Variants in PCBP3 observed in about 807,000 individuals in gnomAD.
PCBP3 encodes poly(rC)-binding protein 3.
PCBP3 carries 25 observed loss-of-function variants against 52.7 expected under a neutral mutation model. The ratio of observed to expected loss-of-function variants is 0.47; its 90% CI spans 0.35 to 0.66. The LOEUF (loss-of-function observed/expected upper bound fraction) is 0.66, where lower values mean the gene tolerates loss of function less well. Among genes scored for constraint, PCBP3 ranks in the 30% least tolerant of loss-of-function variants. PCBP3 has a pLI of 0.01. For missense variants in PCBP3, 391 were observed against 490.3 expected (o/e 0.80, Z 1.91); for synonymous variants, 162 against 183.0 (o/e 0.89, Z 0.93).
intron 14 of PCBP3, 101 bp downstream of exon 14, chr21:45,930,096 G>C (rs3827268): frequency 3.0e-6 from 2 of 655,740 alleles, no homozygotes; most frequent in South Asian, 3.7e-5. Flanking sequence ...AGGTGCAGTT[G>C]GATTTGTGAG....
intron 4 of PCBP3, chr21:45,760,338 G>C (rs908872502): frequency 1.3e-5 from 2 of 152,116 alleles, no homozygotes; most frequent in Non-Finnish European, 2.9e-5. Context: ...ACTATGCCTG[G>C]CTACTAAAAG....
rs1053963362 is a variant in PCBP3 at position 45,917,924 on chromosome 21, C to T, written c.717+295C>T. 12 of 431,448 alleles carry T rather than the reference C, an allele frequency of 2.8e-5. No individual in the cohort carries two copies. The highest frequency in any genetic ancestry group is 8.1e-5 in the African/African-American group (4 of 49,562). The allele number at this position is 431,448 out of a possible 1,614,324, so 26.7% of individuals were successfully genotyped here. ...AGGGAACTGAGACGGGCTCTGTCCC[C>T]GTGCAGGGCAGTGAGGATGTGCTCA... On this transcript the variant is annotated intron_variant, in intron 13 of 17. Transcript: ENST00000681687. The surrounding 1 kb of genome is among the most constrained non-coding windows in gnomAD (Gnocchi z 5.3).
At chr21:45,930,324 T>C (rs999707322) in intron 14 of PCBP3, among the ~76,000 whole-genome samples, 2 of 152,158 alleles carry the variant, frequency 1.3e-5, no homozygotes, top group African/African-American at 4.8e-5. Flanking sequence ...GGGTGGCCCT[T>C]CCTGCTGAGC....
Position 45,740,315 on chromosome 21 carries a change from G to T in PCBP3, c.-162+4886G>T, listed in dbSNP as rs114938536. 3.3e-3 allele frequency among the ~76,000 whole-genome samples: 505 copies of T among 152,300 alleles called. 1 individual carries two copies. The highest frequency in any genetic ancestry group is 0.011 in the African/African-American group (469 of 41,546). The stretch of plus-strand genomic sequence containing the variant: ...ATCTCTCTGCGTGCCCGCCTCACTG[G>T]CAGGTCACTTCTGTTAGCATCCGGG... On this transcript the variant is annotated intron_variant, in intron 3 of 17. Coordinates refer to ENST00000681687, the MANE Select transcript of PCBP3 (RefSeq NM_001384156.1).
At chr21:45,882,852 A>G (rs916723844) in intron 5 of PCBP3, among the ~76,000 whole-genome samples, 1 of 152,162 alleles carries the variant, frequency 6.6e-6, no homozygotes, top group African/African-American at 2.4e-5. Flanking sequence ...GTTTCCTGCC[A>G]GGCTCTCCGC....
intron 3 of PCBP3, among the ~76,000 whole-genome samples, chr21:45,754,467 G>T (rs534292096): frequency 1.3e-5 from 2 of 152,132 alleles, no homozygotes; most frequent in South Asian, 4.1e-4. Context: ...AAATCTGCTG[G>T]TGTGTCTATT....
chr21:45,889,930 G>A (rs73911037), intron 5 of PCBP3, among the ~76,000 whole-genome samples: 2,369 of 152,360 alleles, frequency 0.016, 60 homozygotes, highest in East Asian at 0.11. Context: ...GCTCCGAGAC[G>A]GAGGCCTGTT....
At chr21:45,686,869 C>T (rs148758758) in intron 2 of PCBP3, among the ~76,000 whole-genome samples, 95 of 152,068 alleles carry the variant, frequency 6.2e-4, no homozygotes, top group African/African-American at 2.2e-3. Context: ...GAAAAAAGAG[C>T]TTCAGTGACC....
rs1454355934 is a variant in PCBP3, at chr21:45,735,534, G to A, written c.-162+105G>A. ...GTCTTGCTCTCAAGGGAAGCTGTGT[G>A]TCTCTGCTGACCCTCTGGATCCTGG... On this transcript the variant is annotated intron_variant, in intron 3 of 17. Coordinates refer to ENST00000681687, the MANE Select transcript of PCBP3 (RefSeq NM_001384156.1). The surrounding 1 kb of genome is among the most constrained non-coding windows in gnomAD (Gnocchi z 4.0). The A allele has an allele frequency of 1.3e-5, 2 of 152,230 alleles. No homozygotes were observed. The highest frequency in any genetic ancestry group is 2.9e-5 in the Non-Finnish European group (2 of 68,056). 9.4% of individuals were successfully genotyped at this position (152,230 alleles called of 1,614,324 possible).
intron 2 of PCBP3, among the ~76,000 whole-genome samples, chr21:45,693,151 A>G (rs1426723330): frequency 6.6e-6 from 1 of 152,136 alleles, no homozygotes; most frequent in African/African-American, 2.4e-5. Flanking sequence ...GATAAAGGGC[A>G]TCTATAAAAA....
chr21:45,941,908 C>A lies in PCBP3; in HGVS notation c.*202C>A, dbSNP rs2077500539. 5 of 434,542 alleles carry A rather than the reference C, an allele frequency of 1.2e-5. No homozygotes were observed. In the East Asian group the frequency reaches 1.8e-4, roughly 15 times the overall value. The allele number at this position is 434,542 out of a possible 1,614,324, so 26.9% of individuals were successfully genotyped here. On this transcript the variant is annotated 3_prime_UTR_variant, in exon 18 of 18. Coordinates refer to ENST00000681687, the MANE Select transcript of PCBP3 (RefSeq NM_001384156.1). ...AGAGGCTGCAGGCTCCGCCGAGTCCCCCCTCAGTGTTATTTTATTTATGAC... is the reference window on the plus strand; with the variant it reads ...AGAGGCTGCAGGCTCCGCCGAGTCCACCCTCAGTGTTATTTTATTTATGAC...
In PCBP3 at chr21:45,880,738, G is replaced by A. The variant is rs1318064084; in HGVS notation, c.11-15470G>A. Among the ~76,000 whole-genome samples the A allele has an allele frequency of 2.0e-5, 3 of 152,230 alleles. No individual in the cohort carries two copies. The highest frequency in any genetic ancestry group is 2.9e-5 in the Non-Finnish European group (2 of 68,026). Reference sequence around the variant, plus strand: ...GAGACGGGGTTGTAGGTACAGCCTGGTAGGCAATACCCTCCAGAAGAAGGT... The same window carrying A: ...GAGACGGGGTTGTAGGTACAGCCTGATAGGCAATACCCTCCAGAAGAAGGT... On this transcript the variant is annotated intron_variant, in intron 5 of 17. Coordinates refer to ENST00000681687, the MANE Select transcript of PCBP3 (RefSeq NM_001384156.1). This position sits in a 1 kb window ranked among gnomAD's most constrained non-coding sequence, Gnocchi z 5.4.
At chr21:45,798,371 G>T (rs557629220) in intron 4 of PCBP3, among the ~76,000 whole-genome samples, 31 of 65,138 alleles carry the variant, frequency 4.8e-4, no homozygotes, top group African/African-American at 1.5e-3. Context: ...TGTGTACATG[G>T]ATGAATGCAT....
chr21:45,695,519 T>C (rs1041116921), intron 2 of PCBP3, among the ~76,000 whole-genome samples: 1 of 152,198 alleles, frequency 6.6e-6, no homozygotes, highest in Non-Finnish European at 1.5e-5. Flanking sequence ...TGCCTGAATC[T>C]CAGACTTGTT....
At chr21:45,849,901 G>T (rs2093928265) in intron 4 of PCBP3, 60 bp from the exon 5 acceptor site, 1 of 626,188 alleles carries the variant, frequency 1.6e-6, no homozygotes, top group African/African-American at 1.8e-5. Flanking sequence ...TTGAAGCCCA[G>T]TGCTGGCGGA....
chr21:45,786,289 C>CT (rs55719581), intron 4 of PCBP3, among the ~76,000 whole-genome samples: 21 of 142,722 alleles, frequency 1.5e-4, no homozygotes, highest in Non-Finnish European at 1.2e-4. Flanking sequence ...ATTTAAGTAT[C>CT]TTTTTTTTTT....
intron 2 of PCBP3, among the ~76,000 whole-genome samples, chr21:45,708,843 C>T (rs1423834770): frequency 2.0e-5 from 3 of 152,242 alleles, no homozygotes; most frequent in South Asian, 4.1e-4. Flanking sequence ...GGAGCATTTG[C>T]ACTGTTCACA....
At chr21:45,717,808 T>C (rs982663622) in intron 2 of PCBP3, among the ~76,000 whole-genome samples, 1 of 152,374 alleles carries the variant, frequency 6.6e-6, no homozygotes, top group East Asian at 1.9e-4. Flanking sequence ...TTGATGTCTT[T>C]GTTTGGGTTT....
At chr21:45,783,573 C>T (rs1314416070) in intron 4 of PCBP3, among the ~76,000 whole-genome samples, 2 of 152,134 alleles carry the variant, frequency 1.3e-5, no homozygotes, top group African/African-American at 4.8e-5. Flanking sequence ...CTCCCAGAGG[C>T]ACAGCGCACA....
Sources: gnomAD v4.1 joint callset for allele counts (sites outside exome capture counted in the v4.1 genomes callset) on GRCh38, gnomAD v4.1.1 for gene constraint, Gnocchi (gnomAD v3.1) non-coding constraint, MANE v1.5 for transcripts, NCBI Gene and HGNC (gene_info 2026-07-23, HGNC 2026-07-21) for gene names.